ACACA: variants seen among roughly 807,000 people sequenced by gnomAD.
The protein encoded by ACACA is acetyl-CoA carboxylase 1.
In ACACA, 103 loss-of-function variants were observed where a neutral mutation model predicts 296.1. The observed-to-expected ratio is 0.35, with a 90% confidence interval of 0.30 to 0.41. The LOEUF (loss-of-function observed/expected upper bound fraction) is 0.41. ACACA is among the 10% of genes least tolerant of loss of function. The pLI is 1.00. For synonymous variants in ACACA, 953 were observed against 1,038.6 expected, an observed-to-expected ratio of 0.92 and a Z score of 1.58; for missense variants, 1,554 against 2,989.7, an observed-to-expected ratio of 0.52 and a Z score of 11.20.
intron 1 of ACACA, among the ~76,000 whole-genome samples, chr17:37,400,712 G>T (rs1189063975): frequency 6.6e-6 from 1 of 151,680 alleles, no homozygotes; most frequent in Non-Finnish European, 1.5e-5. Flanking sequence ...ATTTTTTAAG[G>T]CTGAACAGTA....
chr17:37,390,748 G>T (rs1331380309), intron 1 of ACACA, among the ~76,000 whole-genome samples: 1 of 149,922 alleles, frequency 6.7e-6, no homozygotes, highest in African/African-American at 2.5e-5. Flanking sequence ...AGCTATGATC[G>T]AGCCACTGCA....
At chr17:37,366,262 C>G (rs1199775512) in intron 1 of ACACA, among the ~76,000 whole-genome samples, 1 of 152,110 alleles carries the variant, frequency 6.6e-6, no homozygotes, top group Non-Finnish European at 1.5e-5. Context: ...CATATTTAGG[C>G]CTCTACCTGT....
At position 37,193,431 on chromosome 17, in the gene ACACA, G is replaced by C; in HGVS notation, c.4159-16C>G. On this transcript the variant is annotated splice_polypyrimidine_tract_variant and intron_variant, in intron 35 of 55. Coordinates refer to ENST00000616317, the MANE Select transcript of ACACA (RefSeq NM_198834.3). ...GGAATTCTCTCTGTATTAAAGAAGG[G>C]GGAAAAATGTGTCAGTAGTTCATAG... 1 of 1,589,400 alleles carries C rather than the reference G, an allele frequency of 6.3e-7. No homozygotes were observed. Among genetic ancestry groups the C allele is most frequent in the Non-Finnish European group, 8.6e-7 (1 of 1,157,982 alleles).
intron 51 of ACACA, among the ~76,000 whole-genome samples, chr17:37,111,882 G>A (rs984316151): frequency 1.3e-5 from 2 of 152,036 alleles, no homozygotes; most frequent in East Asian, 1.9e-4. Flanking sequence ...CACACCAGTC[G>A]ACTTCCATTT....
chr17:37,245,464 T>A (rs2080648503), intron 19 of ACACA, among the ~76,000 whole-genome samples: 1 of 152,346 alleles, frequency 6.6e-6, no homozygotes, highest in East Asian at 1.9e-4. Flanking sequence ...CATTTTGGCA[T>A]AATTTGTGAT....
chr17:37,368,939 C>T (rs1445384514), intron 1 of ACACA, among the ~76,000 whole-genome samples: 1 of 152,172 alleles, frequency 6.6e-6, no homozygotes, highest in African/African-American at 2.4e-5. Context: ...ACCCTACATA[C>T]CCTATAACCA....
At chr17:37,208,918 T>C (rs190310342) in intron 30 of ACACA, among the ~76,000 whole-genome samples, 1 of 152,204 alleles carries the variant, frequency 6.6e-6, no homozygotes, top group African/African-American at 2.4e-5. Context: ...CCTGCGGTGT[T>C]GCAGGGGGAA....
chr17:37,262,321 A>G (rs2081550801), intron 11 of ACACA, among the ~76,000 whole-genome samples: 1 of 152,198 alleles, frequency 6.6e-6, no homozygotes, highest in Admixed American at 6.5e-5. Flanking sequence ...GAAGTGATGT[A>G]TGTGACTTCA....
intron 41 of ACACA, among the ~76,000 whole-genome samples, chr17:37,167,628 C>G (rs1016112086): frequency 1.4e-5 from 2 of 144,386 alleles, no homozygotes; most frequent in African/African-American, 5.2e-5. Flanking sequence ...CAAGAAATGG[C>G]ATTTTCTTTA....
At chr17:37,313,795 A>C (rs1249074021) in intron 3 of ACACA, among the ~76,000 whole-genome samples, 1 of 152,186 alleles carries the variant, frequency 6.6e-6, no homozygotes, top group Non-Finnish European at 1.5e-5. Flanking sequence ...AACAGTATGG[A>C]GGTTCCTCAA....
Position 37,382,860 on chromosome 17 carries a change from A to AAAAAC in ACACA, c.38+23397_38+23401dup, listed in dbSNP as rs1227219317. Among the ~76,000 whole-genome samples, 6 of 152,086 alleles carry AAAAAC rather than the reference A, an allele frequency of 3.9e-5. No individual in the cohort carries two copies. The East Asian group carries it at 7.7e-4, about 20-fold the overall frequency. ...GGCGACAGAGCGAGACTCTGTCTCA[A>AAAAAC]AAAACAAAACAAAACAAAATAAAAA... is the stretch of plus-strand genomic sequence containing the variant. On this transcript the variant is annotated intron_variant, in intron 1 of 55. Transcript: ENST00000616317.
At position 37,339,440 on chromosome 17, in the gene ACACA, A is replaced by G. The variant is rs78023422; in HGVS notation, c.85+364T>C. 1.8e-4 allele frequency among the ~76,000 whole-genome samples: 27 copies of G among 152,366 alleles called. No individual in the cohort carries two copies. In the East Asian group the frequency reaches 5.0e-3, roughly 28 times the overall value. On this transcript the variant is annotated intron_variant, in intron 2 of 55. Transcript: ENST00000616317. ...CTAAACGGTTACATAGATTGGAGGC[A>G]ACTCAGTGTGAACAGCTAAAAAGCC...
At chr17:37,260,039 G>A (rs1354134889) in intron 11 of ACACA, among the ~76,000 whole-genome samples, 2 of 150,922 alleles carry the variant, frequency 1.3e-5, no homozygotes, top group African/African-American at 2.4e-5. Context: ...GCGCCACCAT[G>A]CCTGGCTAAT....
At chr17:37,118,764 C>G (rs1039550592) in intron 50 of ACACA, among the ~76,000 whole-genome samples, 4 of 152,174 alleles carry the variant, frequency 2.6e-5, no homozygotes, top group African/African-American at 9.7e-5. Context: ...ACAATATAAC[C>G]TACCCCTTAG....
intron 16 of ACACA, among the ~76,000 whole-genome samples, chr17:37,249,194 T>A (rs140517884): frequency 6.6e-6 from 1 of 152,336 alleles, no homozygotes; most frequent in East Asian, 1.9e-4. Flanking sequence ...AGAATTTCCT[T>A]CTTCTTTAAG....
intron 29 of ACACA, among the ~76,000 whole-genome samples, chr17:37,211,906 G>A (rs895253159): frequency 2.0e-5 from 3 of 152,050 alleles, no homozygotes; most frequent in Non-Finnish European, 4.4e-5. Context: ...CAGGAGAGTG[G>A]GTTTTATTTT....
intron 30 of ACACA, 137 bp from the exon 31 acceptor site, chr17:37,207,937 A>G: frequency 1.1e-6 from 1 of 921,350 alleles, no homozygotes; most frequent in Non-Finnish European, 1.8e-6. Context: ...TTTTTTACCC[A>G]CTATGGATAA....
intron 3 of ACACA, among the ~76,000 whole-genome samples, chr17:37,327,485 G>A (rs1039487765): frequency 1.3e-5 from 2 of 152,138 alleles, no homozygotes; most frequent in Non-Finnish European, 2.9e-5. Context: ...CACGAGCTAC[G>A]GACATGATTT....
intron 1 of ACACA, among the ~76,000 whole-genome samples, chr17:37,390,806 A>T (rs1166219151): frequency 6.6e-6 from 1 of 152,026 alleles, no homozygotes; most frequent in African/African-American, 2.4e-5. Context: ...AAAAAAAAAA[A>T]AATTATCATT....
Sources: allele counts gnomAD v4.1 joint callset (sites outside exome capture counted in the v4.1 genomes callset), GRCh38; gene constraint gnomAD v4.1.1; transcripts MANE v1.5; gene names NCBI Gene and HGNC (gene_info 2026-07-23, HGNC 2026-07-21).